Variants in TMC1 observed in about 807,000 individuals in gnomAD.
The protein encoded by TMC1 is transmembrane channel like 1, also known as transmembrane channel-like protein 1.
A neutral mutation model predicts 105.8 loss-of-function variants in TMC1; 84 were observed. The ratio of observed to expected loss-of-function variants is 0.79; its 90% CI spans 0.67 to 0.95. The LOEUF (loss-of-function observed/expected upper bound fraction) is 0.95. TMC1 is among the 40% of genes least tolerant of loss of function. The probability of loss-of-function intolerance (pLI) is 0.00; values close to 1 mark genes in which losing one functional copy is unlikely to be tolerated. For synonymous variants in TMC1, 315 were observed against 311.5 expected (o/e 1.01, Z -0.12); for missense variants, 817 against 914.1 (o/e 0.89, Z 1.37).
chr9:72,722,848 T>G (rs369362326), intron 8 of TMC1, among the ~76,000 whole-genome samples: 6 of 152,184 alleles, frequency 3.9e-5, no homozygotes, highest in African/African-American at 1.4e-4. Context: ...ACTTCCACTA[T>G]AGCCAATTTT....
chr9:72,806,934 G>T (rs1233872518), intron 18 of TMC1, among the ~76,000 whole-genome samples: 2 of 152,202 alleles, frequency 1.3e-5, no homozygotes, highest in African/African-American at 2.4e-5. Context: ...GGAGGTTGTA[G>T]CGAGCCGAGA....
chr9:72,649,138 T>G (rs1825761009), intron 5 of TMC1, among the ~76,000 whole-genome samples: 1 of 152,192 alleles, frequency 6.6e-6, no homozygotes, highest in Non-Finnish European at 1.5e-5. Flanking sequence ...AAAGGAGACA[T>G]CAAACCCTAT....
At chr9:72,572,220 A>G (rs1441563288) in intron 1 of TMC1, among the ~76,000 whole-genome samples, 10 of 149,036 alleles carry the variant, frequency 6.7e-5, no homozygotes, top group South Asian at 6.4e-4. Flanking sequence ...TTTTTAAACC[A>G]GGATCTCACT....
At chr9:72,715,234 A>G (rs1355161813) in intron 8 of TMC1, among the ~76,000 whole-genome samples, 1 of 151,972 alleles carries the variant, frequency 6.6e-6, no homozygotes, top group African/African-American at 2.4e-5. Flanking sequence ...TGATGATTAC[A>G]TGTATTGGGG....
At position 72,836,185 on chromosome 9, in the gene TMC1, T is replaced by G; in HGVS notation, c.*212T>G. 1.5e-6 allele frequency: 1 copy of G among 658,588 alleles called. No individual in the cohort carries two copies. Among genetic ancestry groups the G allele is most frequent in the East Asian group, 2.7e-5 (1 of 36,416 alleles). The allele number at this position is 658,588 out of a possible 1,614,324, so 40.8% of individuals were successfully genotyped here. On this transcript the variant is annotated 3_prime_UTR_variant, in exon 24 of 24. Transcript: ENST00000297784. ...TTTATTCCAAGTCAGAAACTGTTTC[T>G]GCAGAGCCACTCTCTCCCCTGCTCC...
At chr9:72,800,076 C>A (rs2118221976) in intron 17 of TMC1, among the ~76,000 whole-genome samples, 1 of 152,298 alleles carries the variant, frequency 6.6e-6, no homozygotes, top group Admixed American at 6.5e-5. Flanking sequence ...TGAATTTAGA[C>A]TTCTGACTTC....
chr9:72,548,970 A>G (rs1381903716), intron 1 of TMC1, among the ~76,000 whole-genome samples: 1 of 152,222 alleles, frequency 6.6e-6, no homozygotes, highest in Non-Finnish European at 1.5e-5. Flanking sequence ...CTATCCACCT[A>G]TATTTCTAAC....
Position 72,596,557 on chromosome 9 carries a change from A to G in TMC1, c.-306+18534A>G, listed in dbSNP as rs976383149. Among the ~76,000 whole-genome samples the G allele has an allele frequency of 2.6e-5, 4 of 151,770 alleles. No individual in the cohort carries two copies. The South Asian group carries it at 8.3e-4, about 32-fold the overall frequency. ...TCAATTGTAAAAAAAAAAAAAAAAA[A>G]AAAAGACAGAAATAGAAAAAGAACA... On this transcript the variant is annotated intron_variant, in intron 2 of 23. Coordinates refer to ENST00000297784, the MANE Select transcript of TMC1 (RefSeq NM_138691.3).
At chr9:72,820,709 G>C (rs958296416) in intron 19 of TMC1, 133 bp from the exon 20 acceptor site, 2 of 1,090,632 alleles carry the variant, frequency 1.8e-6, no homozygotes, top group African/African-American at 3.1e-5. Context: ...TTATGAAAAG[G>C]GTTTGTCTGG....
chr9:72,755,906 G>A (rs991972950), intron 12 of TMC1, among the ~76,000 whole-genome samples: 14 of 152,238 alleles, frequency 9.2e-5, no homozygotes, highest in African/African-American at 2.4e-4. Context: ...TTTTCAGCCC[G>A]TAATCTAGTC....
At chr9:72,806,173 G>T (rs1828575211) in intron 18 of TMC1, among the ~76,000 whole-genome samples, 1 of 150,544 alleles carries the variant, frequency 6.6e-6, no homozygotes. Context: ...CGGGCGGGGG[G>T]CTGACCCCCC....
chr9:72,703,200 C>T (rs996398746), intron 8 of TMC1, among the ~76,000 whole-genome samples: 16 of 151,970 alleles, frequency 1.1e-4, no homozygotes, highest in African/African-American at 3.9e-4. Context: ...TATCTTAGCT[C>T]ACTGCAGCCT....
chr9:72,524,926 C>T (rs1823380635), intron 1 of TMC1, among the ~76,000 whole-genome samples: 1 of 152,114 alleles, frequency 6.6e-6, no homozygotes, highest in Non-Finnish European at 1.5e-5. Flanking sequence ...GCGTCGTTAC[C>T]GGAAAATTCC....
intron 8 of TMC1, among the ~76,000 whole-genome samples, chr9:72,730,025 G>A (rs1827183003): frequency 6.6e-6 from 1 of 152,102 alleles, no homozygotes; most frequent in Non-Finnish European, 1.5e-5. Context: ...GGCTTATTTG[G>A]TATAGTTCCT....
intron 13 of TMC1, among the ~76,000 whole-genome samples, chr9:72,779,696 G>A (rs1370766215): frequency 2.6e-5 from 4 of 152,086 alleles, no homozygotes; most frequent in Non-Finnish European, 5.9e-5. Context: ...AATTGACTCA[G>A]TCAGACAAGA....
At chr9:72,577,244 A>T (rs1488382752) in intron 1 of TMC1, among the ~76,000 whole-genome samples, 6 of 152,122 alleles carry the variant, frequency 3.9e-5, no homozygotes, top group Non-Finnish European at 8.8e-5. Context: ...CTCATAACCT[A>T]GGGGAGTCAC....
intron 13 of TMC1, among the ~76,000 whole-genome samples, chr9:72,783,921 G>A (rs1175741925): frequency 1.3e-5 from 2 of 152,080 alleles, no homozygotes; most frequent in African/African-American, 2.4e-5. Flanking sequence ...ATGTAAAATC[G>A]AAAACTATAA....
At chr9:72,738,638 G>T (rs144929219) in intron 8 of TMC1, among the ~76,000 whole-genome samples, 101 of 152,002 alleles carry the variant, frequency 6.6e-4, no homozygotes, top group African/African-American at 2.4e-3. Flanking sequence ...GGGTGGTCTC[G>T]AACTCCTGAC....
At chr9:72,638,465 G>T (rs1825570432) in intron 4 of TMC1, among the ~76,000 whole-genome samples, 1 of 152,096 alleles carries the variant, frequency 6.6e-6, no homozygotes, top group Non-Finnish European at 1.5e-5. Context: ...CTGTTGTTCT[G>T]GTCTGGGGCA....
Sources: gnomAD v4.1 joint callset for allele counts (sites outside exome capture counted in the v4.1 genomes callset) on GRCh38, gnomAD v4.1.1 for gene constraint, MANE v1.5 for transcripts, NCBI Gene and HGNC (gene_info 2026-07-23, HGNC 2026-07-21) for gene names.